Variants in IQGAP2 observed in about 807,000 individuals in gnomAD.
The protein encoded by IQGAP2 is IQ motif containing GTPase activating protein 2, also known as ras GTPase-activating-like protein IQGAP2.
IQGAP2 carries 173 observed loss-of-function variants against 201.3 expected under a neutral mutation model. The observed-to-expected ratio is 0.86, with a 90% CI of 0.76 to 0.98. The LOEUF is 0.98. IQGAP2 is among the 50% of genes least tolerant of loss of function. The pLI is 0.00. For missense variants in IQGAP2, 1,687 were observed against 1,864.8 expected (o/e 0.90, Z 1.76); for synonymous variants, 675 against 673.9 (o/e 1.00, Z -0.03).
intron 22 of IQGAP2, 133 bp downstream of exon 22, chr5:76,665,308 G>C: frequency 1.4e-6 from 1 of 737,188 alleles, no homozygotes. Context: ...AGTACCAAGT[G>C]CTGTTGTTGG....
chr5:76,680,454 C>T (rs1256230692), intron 28 of IQGAP2, among the ~76,000 whole-genome samples: 2 of 152,046 alleles, frequency 1.3e-5, no homozygotes, highest in African/African-American at 2.4e-5. Context: ...TGACACCAAA[C>T]ACATAAGCAG....
intron 28 of IQGAP2, among the ~76,000 whole-genome samples, chr5:76,680,619 G>A (rs905422989): frequency 2.0e-5 from 3 of 149,070 alleles, no homozygotes; most frequent in Non-Finnish European, 4.5e-5. Flanking sequence ...CCAGGAGTTC[G>A]TCGACAAAAT....
At chr5:76,583,205 T>A (rs1745996433) in intron 5 of IQGAP2, among the ~76,000 whole-genome samples, 1 of 152,222 alleles carries the variant, frequency 6.6e-6, no homozygotes, top group African/African-American at 2.4e-5. Context: ...AGACTTGATT[T>A]CCTATATACT....
At chr5:76,449,221 G>C (rs1381424372) in intron 1 of IQGAP2, among the ~76,000 whole-genome samples, 1 of 152,176 alleles carries the variant, frequency 6.6e-6, no homozygotes, top group Non-Finnish European at 1.5e-5. Context: ...CACTTCTCCA[G>C]ATGTGTTTTG....
At chr5:76,498,443 A>G (rs1757104234) in intron 2 of IQGAP2, among the ~76,000 whole-genome samples, 1 of 152,164 alleles carries the variant, frequency 6.6e-6, no homozygotes, top group South Asian at 2.1e-4. Context: ...TGTAGCAGAG[A>G]CAGAAACAGA....
chr5:76,535,972 G>T (rs1580402518), intron 2 of IQGAP2, among the ~76,000 whole-genome samples: 1 of 140,416 alleles, frequency 7.1e-6, no homozygotes, highest in South Asian at 2.1e-4. Context: ...CATAAACTAG[G>T]AGAAGGAAAT....
rs1270688227 is a variant in IQGAP2 at position 76,617,830 on chromosome 5, C to A, written c.1521+6647C>A. ...TTAACATACCACAACCATCTATGAT[C>A]GTATGCATTAAGTGTCCGGATGATG... On this transcript the variant is annotated intron_variant, in intron 13 of 35. Coordinates refer to ENST00000274364, the MANE Select transcript of IQGAP2 (RefSeq NM_006633.5). 4 of 1,613,734 alleles carry A rather than the reference C, an allele frequency of 2.5e-6. No homozygotes were observed. The highest frequency in any genetic ancestry group is 4.5e-5 in the East Asian group (2 of 44,874).
At chr5:76,559,148 G>A (rs1197045577) in intron 2 of IQGAP2, among the ~76,000 whole-genome samples, 12 of 152,222 alleles carry the variant, frequency 7.9e-5, no homozygotes, top group African/African-American at 2.4e-4. Context: ...TGATCCGCCC[G>A]CCTCAGCCTC....
chr5:76,499,977 A>G (rs548187899), intron 2 of IQGAP2, among the ~76,000 whole-genome samples: 12 of 152,210 alleles, frequency 7.9e-5, no homozygotes, highest in African/African-American at 2.6e-4. Context: ...GTGTGGTGGC[A>G]TGCACTTGTA....
At chr5:76,452,185 G>A (rs1753799309) in intron 1 of IQGAP2, among the ~76,000 whole-genome samples, 1 of 147,274 alleles carries the variant, frequency 6.8e-6, no homozygotes, top group Non-Finnish European at 1.5e-5. Context: ...CGAGTGCTGG[G>A]ATTATAGGCG....
intron 2 of IQGAP2, among the ~76,000 whole-genome samples, chr5:76,467,657 A>C (rs1321988549): frequency 6.6e-6 from 1 of 152,214 alleles, no homozygotes; most frequent in Non-Finnish European, 1.5e-5. Context: ...GAAAATTGAA[A>C]ATCTATGCCC....
intron 23 of IQGAP2, among the ~76,000 whole-genome samples, chr5:76,670,017 T>G (rs1392498285): frequency 2.0e-5 from 3 of 151,998 alleles, no homozygotes; most frequent in African/African-American, 7.3e-5. Flanking sequence ...GAGAAGAGGT[T>G]TCACCATGTT....
rs70982606 is a variant in IQGAP2 at position 76,432,128 on chromosome 5, C to CTTTTTTTTTTTTTTTTT, written c.46+28552_46+28553insTTTTTTTTTTTTTTTTT. ...TGGAATTGACTGATCTTTCTTTCTT[C>CTTTTTTTTTTTTTTTTT]TTTTTTTTTTTTTTTGAGATGGAGT... On this transcript the variant is annotated intron_variant, in intron 1 of 35. Transcript: ENST00000274364. 1.5e-3 allele frequency among the ~76,000 whole-genome samples: 144 copies of CTTTTTTTTTTTTTTTTT among 95,292 alleles called. 7 individuals are homozygous for CTTTTTTTTTTTTTTTTT. Among genetic ancestry groups the CTTTTTTTTTTTTTTTTT allele is most frequent in the Non-Finnish European group, 1.8e-3 (91 of 50,146 alleles). 62.5% of individuals were successfully genotyped at this position (95,292 alleles called of 152,430 possible).
chr5:76,452,236 T>C (rs898372050), intron 1 of IQGAP2, among the ~76,000 whole-genome samples: 28 of 151,076 alleles, frequency 1.9e-4, no homozygotes, highest in African/African-American at 5.8e-4. Context: ...CTTTTCTTTT[T>C]TTTTTTTTGT....
At position 76,571,705 on chromosome 5, in the gene IQGAP2, CTT is replaced by C. The variant is rs1287720477; in HGVS notation, c.381+1049_381+1050del. The stretch of plus-strand genomic sequence containing the variant: ...AAAATTGTAGAACTATTTTTTTAAA[CTT>C]GTTATTTTGAAATAATTATAGAATC... On this transcript the variant is annotated intron_variant, in intron 4 of 35. Coordinates refer to ENST00000274364, the MANE Select transcript of IQGAP2 (RefSeq NM_006633.5). Among the ~76,000 whole-genome samples, 13 of 152,138 alleles carry C rather than the reference CTT, an allele frequency of 8.5e-5. No individual in the cohort carries two copies. The East Asian group carries it at 2.5e-3, about 29-fold the overall frequency.
chr5:76,662,661 T>C (rs1489202642), intron 21 of IQGAP2, among the ~76,000 whole-genome samples: 1 of 152,244 alleles, frequency 6.6e-6, no homozygotes, highest in Non-Finnish European at 1.5e-5. Context: ...TAACTGGCAC[T>C]GTAAGCCACA....
At chr5:76,473,241 C>T (rs897536952) in intron 2 of IQGAP2, among the ~76,000 whole-genome samples, 4 of 152,130 alleles carry the variant, frequency 2.6e-5, no homozygotes, top group African/African-American at 9.7e-5. Context: ...AGTTCTAGTT[C>T]TAGCTCTTGA....
chr5:76,696,593 A>C (rs994804489), intron 32 of IQGAP2, among the ~76,000 whole-genome samples: 2 of 152,178 alleles, frequency 1.3e-5, no homozygotes, highest in African/African-American at 4.8e-5. Context: ...GAAAAAAAAA[A>C]AATTTCTCAC....
At chr5:76,623,311 T>C in intron 13 of IQGAP2, 1 of 1,520,684 alleles carries the variant, frequency 6.6e-7, no homozygotes. Context: ...GTTCCATGTG[T>C]CAGCAGCAAA....
Sources: gnomAD v4.1 joint callset for allele counts (sites outside exome capture counted in the v4.1 genomes callset) on GRCh38, gnomAD v4.1.1 for gene constraint, MANE v1.5 for transcripts, NCBI Gene and HGNC (gene_info 2026-07-23, HGNC 2026-07-21) for gene names.